The following TM9SF3 variants were observed in gnomAD, a reference collection of about 807,000 sequenced individuals.
TM9SF3 encodes the protein transmembrane 9 superfamily member 3.
In TM9SF3, 14 loss-of-function variants were observed where a neutral mutation model predicts 78.6. The ratio of observed to expected loss-of-function variants is 0.18; its 90% CI spans 0.12 to 0.28. The LOEUF (loss-of-function observed/expected upper bound fraction) is 0.28. Ranked by LOEUF, TM9SF3 falls within the 10% of genes least tolerant of loss-of-function variation. TM9SF3 has a pLI of 1.00. For synonymous variants in TM9SF3, 231 were observed against 241.7 expected (o/e 0.96, Z 0.41); for missense variants, 496 against 721.9 (o/e 0.69, Z 3.59).
chr10:96,559,649 A>G lies in TM9SF3; in HGVS notation c.660+10T>C. The G allele has an allele frequency of 6.4e-7, 1 of 1,574,388 alleles. No homozygotes were observed. Among genetic ancestry groups the G allele is most frequent in the Non-Finnish European group, 8.7e-7 (1 of 1,154,484 alleles). The stretch of plus-strand genomic sequence containing the variant: ...CATAATCAATGTCTTAAAATACACT[A>G]TTTACCTACCCGATGTTGAAAAAAG... On this transcript the variant is annotated intron_variant, in intron 5 of 14. Transcript: ENST00000371142.
rs544013268 is a variant in TM9SF3, at chr10:96,527,027, A to C, written c.1702+186T>G. On this transcript the variant is annotated intron_variant, in intron 14 of 14. Transcript: ENST00000371142. The stretch of plus-strand genomic sequence containing the variant: ...CAGAATTACTAGAATTTCTATAAAA[A>C]TAGAAATTAATAAGGTAATAAATTA... Among the ~76,000 whole-genome samples, 4 of 152,260 alleles carry C rather than the reference A, an allele frequency of 2.6e-5. No homozygotes were observed. The East Asian group carries it at 7.7e-4, about 29-fold the overall frequency.
At chr10:96,549,518 A>T (rs1848143140) in intron 7 of TM9SF3, among the ~76,000 whole-genome samples, 1 of 152,168 alleles carries the variant, frequency 6.6e-6, no homozygotes, top group African/African-American at 2.4e-5. Flanking sequence ...GTAGAATGGA[A>T]ATAGAATATT....
At chr10:96,585,096 T>G (rs1347742632) in intron 1 of TM9SF3, among the ~76,000 whole-genome samples, 1 of 152,220 alleles carries the variant, frequency 6.6e-6, no homozygotes, top group Non-Finnish European at 1.5e-5. Context: ...TGTAAAATTT[T>G]AATGGTTTCC....
chr10:96,567,870 A>T (rs970656991), intron 2 of TM9SF3, among the ~76,000 whole-genome samples: 2 of 152,262 alleles, frequency 1.3e-5, no homozygotes, highest in African/African-American at 4.8e-5. Flanking sequence ...ATCACTACAC[A>T]TATTAGGGTA....
intron 1 of TM9SF3, among the ~76,000 whole-genome samples, chr10:96,583,968 A>G (rs2134164296): frequency 7.2e-6 from 1 of 139,804 alleles, no homozygotes; most frequent in Admixed American, 7.3e-5. Flanking sequence ...CAGGAGGCAG[A>G]GATTGCAGTG....
intron 14 of TM9SF3, among the ~76,000 whole-genome samples, chr10:96,526,085 A>G (rs895406248): frequency 6.6e-6 from 1 of 152,100 alleles, no homozygotes; most frequent in African/African-American, 2.4e-5. Context: ...TAATCACTGA[A>G]TCCTCTTTAT....
At chr10:96,552,518 T>C (rs781332623) in intron 6 of TM9SF3, among the ~76,000 whole-genome samples, 6 of 152,208 alleles carry the variant, frequency 3.9e-5, no homozygotes, top group Non-Finnish European at 7.3e-5. Flanking sequence ...CACTTTTTGT[T>C]CTCTAACTTA....
chr10:96,527,566 C>A, intron 12 of TM9SF3, 70 bp from the exon 13 acceptor site: 3 of 1,261,218 alleles, frequency 2.4e-6, no homozygotes, highest in South Asian at 2.8e-5. Flanking sequence ...GATTTTAAAG[C>A]AAAGAATTTA....
At chr10:96,555,689 C>T (rs55822182) in intron 5 of TM9SF3, among the ~76,000 whole-genome samples, 16,519 of 152,166 alleles carry the variant, frequency 0.11, 1,032 homozygotes, top group Non-Finnish European at 0.15. Flanking sequence ...ATTTATTGAG[C>T]ATCCAGTAAA....
Position 96,533,430 on chromosome 10 carries a change from T to C in TM9SF3, c.1186-240A>G, listed in dbSNP as rs540426398. The stretch of plus-strand genomic sequence containing the variant: ...CAATTTGGTTTTCCATTCTTTCCTA[T>C]TCTTCCAGACTATCTCTGCCACAAT... On this transcript the variant is annotated intron_variant, in intron 9 of 14. Coordinates refer to ENST00000371142, the MANE Select transcript of TM9SF3 (RefSeq NM_020123.4). Among the ~76,000 whole-genome samples the C allele has an allele frequency of 2.6e-5, 4 of 152,350 alleles. No individual in the cohort carries two copies. In the East Asian group the frequency reaches 7.7e-4, roughly 29 times the overall value.
At position 96,522,063 on chromosome 10, in the gene TM9SF3, G is replaced by C. The variant is rs1225339691; in HGVS notation, c.*200C>G. The C allele has an allele frequency of 1.7e-6, 1 of 573,076 alleles. No homozygotes were observed. Among genetic ancestry groups the C allele is most frequent in the Non-Finnish European group, 3.1e-6 (1 of 327,690 alleles). The allele number at this position is 573,076 out of a possible 1,614,324, so 35.5% of individuals were successfully genotyped here. ...TGCATAAAATCCAAGCATTTGCTGT[G>C]AACAGTTGGAGAAAGCAGTCAGGAA... is the stretch of plus-strand genomic sequence containing the variant. On this transcript the variant is annotated 3_prime_UTR_variant, in exon 15 of 15. Transcript: ENST00000371142.
At position 96,521,135 on chromosome 10, in the gene TM9SF3, C is replaced by G. The variant is rs1213387622; in HGVS notation, c.*1128G>C. 1 of 368,912 alleles carries G rather than the reference C, an allele frequency of 2.7e-6. No homozygotes were observed. The highest frequency in any genetic ancestry group is 3.8e-5 in the East Asian group (1 of 26,514). 22.9% of individuals were successfully genotyped at this position (368,912 alleles called of 1,614,324 possible). A position where few individuals can be genotyped will look rare whatever the true frequency, so the allele number is the denominator to read the frequency against. Reference sequence around the variant, plus strand: ...CAGAAAATAAACAGAAGAAAACAACCCCCCTCCCAAAAGAAGTATGACACA... The same window carrying G: ...CAGAAAATAAACAGAAGAAAACAACGCCCCTCCCAAAAGAAGTATGACACA... On this transcript the variant is annotated 3_prime_UTR_variant, in exon 15 of 15. Transcript: ENST00000371142.
At chr10:96,573,686 G>T (rs1255908329) in intron 2 of TM9SF3, among the ~76,000 whole-genome samples, 1 of 151,894 alleles carries the variant, frequency 6.6e-6, no homozygotes, top group Non-Finnish European at 1.5e-5. Flanking sequence ...AATAAAAGGG[G>T]GTTTAAGATT....
Position 96,533,098 on chromosome 10 carries a change from A to G in TM9SF3, c.1278T>C (p.Phe426=), listed in dbSNP as rs145349156. The G allele has an allele frequency of 2.6e-4, 415 of 1,614,176 alleles. 1 individual carries two copies. In the African/African-American group the frequency reaches 4.6e-3, roughly 18 times the overall value. Residue 426 remains phenylalanine (F), a synonymous_variant, in exon 10 of 15, where the codon TTT becomes TTC. Coordinates refer to ENST00000371142, the MANE Select transcript of TM9SF3 (RefSeq NM_020123.4). ...LGRNLSGQPN[F]PCRVNAVPRP... is the part of the protein sequence containing the mutation. ...GAGGCACAGCATTGACACGACAAGG[A>G]AAGTTGGGCTGACCTGACAGATTTC...
intron 2 of TM9SF3, among the ~76,000 whole-genome samples, chr10:96,572,443 C>T (rs1374727825): frequency 1.3e-5 from 2 of 152,018 alleles, no homozygotes; most frequent in African/African-American, 2.4e-5. Flanking sequence ...AAGAGGTACC[C>T]TCTAAAACTG....
At chr10:96,584,519 C>T (rs1027535647) in intron 1 of TM9SF3, among the ~76,000 whole-genome samples, 2 of 152,140 alleles carry the variant, frequency 1.3e-5, no homozygotes, top group Admixed American at 6.5e-5. Context: ...TTTTACAATA[C>T]ATATTCGGCC....
chr10:96,578,166 T>A (rs954885295), intron 1 of TM9SF3, among the ~76,000 whole-genome samples: 1 of 152,238 alleles, frequency 6.6e-6, no homozygotes, highest in Non-Finnish European at 1.5e-5. Context: ...CCCAGTCATT[T>A]CATTTTCAAA....
rs1847744931 is a variant in TM9SF3 at position 96,520,005 on chromosome 10, A to G, written c.*2258T>C. On this transcript the variant is annotated 3_prime_UTR_variant, in exon 15 of 15. Transcript: ENST00000371142. Reference sequence around the variant, plus strand: ...GTACCTGAAAGCATTTAACCCACACATTTTCAATAAACCCTACATCTTACC... The same window carrying G: ...GTACCTGAAAGCATTTAACCCACACGTTTTCAATAAACCCTACATCTTACC... The G allele has an allele frequency of 6.6e-6, 1 of 151,904 alleles. No individual in the cohort carries two copies. Among genetic ancestry groups the G allele is most frequent in the South Asian group, 2.1e-4 (1 of 4,828 alleles). The allele number at this position is 151,904 out of a possible 1,614,324, so 9.4% of individuals were successfully genotyped here.
rs1158209546 is a variant in TM9SF3 at position 96,527,439 on chromosome 10, G to A, written c.1599C>T (p.Ser533=). 1 of 1,609,634 alleles carries A rather than the reference G, an allele frequency of 6.2e-7. No homozygotes were observed. The highest frequency in any genetic ancestry group is 1.7e-5 in the Admixed American group (1 of 59,388). Residue 533 remains serine, a synonymous_variant, in exon 13 of 15, where the codon TCC becomes TCT. Coordinates refer to ENST00000371142, the MANE Select transcript of TM9SF3 (RefSeq NM_020123.4). ...TTGTTTTGAAAAAATAGTAGTAAAAGGAATACATGTAAACATAGATTGCAG... is the reference window on the plus strand; with the variant it reads ...TTGTTTTGAAAAAATAGTAGTAAAAAGAATACATGTAAACATAGATTGCAG... ...ASTAIYVYMY[S]FYYYFFKTKM...
Sources: allele counts gnomAD v4.1 joint callset (sites outside exome capture counted in the v4.1 genomes callset), GRCh38; gene constraint gnomAD v4.1.1; transcripts MANE v1.5; gene names NCBI Gene and HGNC (gene_info 2026-07-23, HGNC 2026-07-21).